Variants in FLRT2 observed in about 807,000 individuals in gnomAD.
The protein encoded by FLRT2 is leucine-rich repeat transmembrane protein FLRT2.
A neutral mutation model predicts 40.0 loss-of-function variants in FLRT2; 15 were observed. The observed-to-expected ratio is 0.38, with a 90% CI of 0.25 to 0.58. FLRT2 has a LOEUF of 0.58. Ranked by LOEUF, FLRT2 falls within the 20% of genes least tolerant of loss-of-function variation. The probability of loss-of-function intolerance (pLI) is 0.71; values close to 1 mark genes in which losing one functional copy is unlikely to be tolerated. For missense variants in FLRT2, 726 were observed against 840.0 expected (o/e 0.86, Z 1.68); for synonymous variants, 380 against 336.8 (o/e 1.13, Z -1.41).
intron 1 of FLRT2, among the ~76,000 whole-genome samples, chr14:85,594,415 C>T (rs1892040061): frequency 6.6e-6 from 1 of 152,078 alleles, no homozygotes. Context: ...TAGCCACTCC[C>T]AGAGATGTGT....
intron 1 of FLRT2, among the ~76,000 whole-genome samples, chr14:85,582,415 G>T (rs982470668): frequency 5.3e-5 from 8 of 152,136 alleles, no homozygotes; most frequent in Non-Finnish European, 1.0e-4. Flanking sequence ...AATTGATTGT[G>T]ATTTGTACTT....
chr14:85,591,294 G>A (rs1891873668), intron 1 of FLRT2, among the ~76,000 whole-genome samples: 1 of 152,174 alleles, frequency 6.6e-6, no homozygotes, highest in Non-Finnish European at 1.5e-5. Context: ...CCCTTCCCAG[G>A]CCGTTTTCTC....
intron 1 of FLRT2, chr14:85,560,942 A>G (rs1281833035): frequency 6.6e-6 from 1 of 152,226 alleles, no homozygotes; most frequent in African/African-American, 2.4e-5. Context: ...CCTAATTATA[A>G]CGATAACCTT....
intron 1 of FLRT2, among the ~76,000 whole-genome samples, chr14:85,580,768 C>T (rs972700137): frequency 5.9e-5 from 9 of 151,862 alleles, no homozygotes; most frequent in Non-Finnish European, 1.2e-4. Context: ...GTGTTTCTAG[C>T]GGATTGAGAA....
rs908374382 is a variant in FLRT2, at chr14:85,621,365, G to A, written c.-150G>A. ...CTGATAAGACCAGAGACAGCAGGGAGATTATTTTACCATACGCCCTCAGGA... is the reference window on the plus strand; with the variant it reads ...CTGATAAGACCAGAGACAGCAGGGAAATTATTTTACCATACGCCCTCAGGA... On this transcript the variant is annotated 5_prime_UTR_variant, in exon 2 of 2. Coordinates refer to ENST00000330753, the MANE Select transcript of FLRT2 (RefSeq NM_013231.6). 5.8e-6 allele frequency: 4 copies of A among 684,158 alleles called. No homozygotes were observed. Among genetic ancestry groups the A allele is most frequent in the African/African-American group, 5.4e-5 (3 of 55,386 alleles). 42.4% of individuals were successfully genotyped at this position (684,158 alleles called of 1,614,324 possible).
chr14:85,556,244 G>C (rs535312590), intron 1 of FLRT2, among the ~76,000 whole-genome samples: 106 of 152,268 alleles, frequency 7.0e-4, no homozygotes, highest in Non-Finnish European at 1.4e-3. Flanking sequence ...TAAGCTTATA[G>C]GGGTATATGC....
At chr14:85,574,103 G>C (rs1342811900) in intron 1 of FLRT2, among the ~76,000 whole-genome samples, 1 of 152,168 alleles carries the variant, frequency 6.6e-6, no homozygotes, top group Non-Finnish European at 1.5e-5. Flanking sequence ...AAGCATACTA[G>C]TGATAAGGGC....
intron 1 of FLRT2, among the ~76,000 whole-genome samples, chr14:85,537,170 A>G (rs892078254): frequency 3.9e-5 from 6 of 152,180 alleles, no homozygotes; most frequent in Admixed American, 6.5e-5. Context: ...TAAAAATCTG[A>G]TTCCTAATCC....
At chr14:85,620,392 T>C (rs1893327437) in intron 1 of FLRT2, among the ~76,000 whole-genome samples, 1 of 152,206 alleles carries the variant, frequency 6.6e-6, no homozygotes, top group Non-Finnish European at 1.5e-5. Flanking sequence ...CGATCAGTTA[T>C]CTTTGAGTGA....
chr14:85,578,009 G>T (rs919109384), intron 1 of FLRT2, among the ~76,000 whole-genome samples: 2 of 151,346 alleles, frequency 1.3e-5, no homozygotes, highest in Non-Finnish European at 2.9e-5. Flanking sequence ...GAGTTGAGCA[G>T]GAAAGGGCCC....
chr14:85,619,841 G>A (rs1366385053), intron 1 of FLRT2, among the ~76,000 whole-genome samples: 1 of 152,156 alleles, frequency 6.6e-6, no homozygotes, highest in Non-Finnish European at 1.5e-5. Flanking sequence ...GGAGCAAGAA[G>A]GCATGATTAC....
At chr14:85,535,353 C>A (rs1390364492) in intron 1 of FLRT2, among the ~76,000 whole-genome samples, 1 of 67,420 alleles carries the variant, frequency 1.5e-5, no homozygotes, top group Non-Finnish European at 4.1e-5. Flanking sequence ...AAGCCCCCCC[C>A]CAAAAAAAAA....
chr14:85,598,620 C>T (rs1955426), intron 1 of FLRT2, among the ~76,000 whole-genome samples: 122,662 of 152,104 alleles, frequency 0.81, 49,519 homozygotes, highest in East Asian at 0.88. Flanking sequence ...TGTGTGATCA[C>T]AGAGCTGCTT....
At chr14:85,543,041 A>G (rs924455362) in intron 1 of FLRT2, among the ~76,000 whole-genome samples, 4 of 152,192 alleles carry the variant, frequency 2.6e-5, no homozygotes, top group Non-Finnish European at 5.9e-5. Context: ...AGAAGAACCT[A>G]AAGTCCAACT....
chr14:85,564,255 G>C (rs1172461388), intron 1 of FLRT2, among the ~76,000 whole-genome samples: 2 of 152,228 alleles, frequency 1.3e-5, no homozygotes, highest in East Asian at 3.9e-4. Context: ...TGTATTACTC[G>C]AATATGTATT....
intron 1 of FLRT2, among the ~76,000 whole-genome samples, chr14:85,577,286 T>C (rs1000484842): frequency 2.6e-5 from 4 of 152,170 alleles, no homozygotes; most frequent in Non-Finnish European, 4.4e-5. Context: ...TTTGTCAATA[T>C]ATATAAAAAT....
chr14:85,541,254 C>T (rs1888969788), intron 1 of FLRT2, among the ~76,000 whole-genome samples: 1 of 152,144 alleles, frequency 6.6e-6, no homozygotes, highest in Non-Finnish European at 1.5e-5. Context: ...ATGAAGAAAG[C>T]TTGCTCATTC....
rs1227562168 is a variant in FLRT2, at chr14:85,535,902, TTTTTTTTTTTTTTTTTTTTG to T, written c.-377+5371_-377+5390del. ...CATGGAAGGAATGCTGTTTTTTTTT[TTTTTTTTTTTTTTTTTTTTG>T]TTGTTGTTGTTGTTGTTGTTGTTTT... On this transcript the variant is annotated intron_variant, in intron 1 of 1. Coordinates refer to ENST00000330753, the MANE Select transcript of FLRT2 (RefSeq NM_013231.6). 1.5e-4 allele frequency among the ~76,000 whole-genome samples: 11 copies of T among 74,244 alleles called. 2 individuals are homozygous for T. Among genetic ancestry groups the T allele is most frequent in the African/African-American group, 7.1e-4 (11 of 15,526 alleles). 48.7% of individuals were successfully genotyped at this position (74,244 alleles called of 152,430 possible).
intron 1 of FLRT2, among the ~76,000 whole-genome samples, chr14:85,536,168 C>A (rs552851976): frequency 6.6e-6 from 1 of 151,934 alleles, no homozygotes; most frequent in African/African-American, 2.4e-5. Context: ...TCTCTGATGC[C>A]CGTTACATTT....
Sources: gnomAD v4.1 joint callset for allele counts (sites outside exome capture counted in the v4.1 genomes callset) on GRCh38, gnomAD v4.1.1 for gene constraint, MANE v1.5 for transcripts, NCBI Gene and HGNC (gene_info 2026-07-23, HGNC 2026-07-21) for gene names.